The following ROCK2 variants were observed in gnomAD, a reference collection of about 807,000 sequenced individuals.
The protein encoded by ROCK2 is Rho associated coiled-coil containing protein kinase 2.
In ROCK2, 61 loss-of-function variants were observed where a neutral mutation model predicts 195.1. The ratio of observed to expected loss-of-function variants is 0.31; its 90% CI spans 0.25 to 0.39. The LOEUF is 0.39. Among genes scored for constraint, ROCK2 ranks in the 10% least tolerant of loss-of-function variants. The probability of loss-of-function intolerance (pLI) is 1.00; values close to 1 mark genes in which losing one functional copy is unlikely to be tolerated. For synonymous variants in ROCK2, 504 were observed against 545.5 expected (o/e 0.92, Z 1.06); for missense variants, 1,109 against 1,637.4 (o/e 0.68, Z 5.57).
At chr2:11,217,427 G>T (rs1441649373) in intron 11 of ROCK2, 4 of 515,068 alleles carry the variant, frequency 7.8e-6, no homozygotes, top group Non-Finnish European at 1.5e-5. Flanking sequence ...AACTTTGGCA[G>T]AATTGTTCTA....
At chr2:11,251,586 T>C (rs1466300549) in intron 3 of ROCK2, among the ~76,000 whole-genome samples, 1 of 152,054 alleles carries the variant, frequency 6.6e-6, no homozygotes, top group Non-Finnish European at 1.5e-5. Flanking sequence ...GGCAATACCA[T>C]TCAGGACACA....
intron 1 of ROCK2, among the ~76,000 whole-genome samples, chr2:11,297,626 T>C (rs1294092799): frequency 6.6e-6 from 1 of 152,144 alleles, no homozygotes; most frequent in Admixed American, 6.5e-5. Context: ...ACTAACTTTT[T>C]TTTCCCATCC....
chr2:11,310,581 T>A (rs191528376), intron 1 of ROCK2, among the ~76,000 whole-genome samples: 132 of 152,336 alleles, frequency 8.7e-4, no homozygotes, highest in African/African-American at 3.0e-3. Flanking sequence ...CACAAAATAT[T>A]CTATTTTTTG....
chr2:11,296,474 T>G (rs180855449), intron 1 of ROCK2, among the ~76,000 whole-genome samples: 13 of 152,280 alleles, frequency 8.5e-5, no homozygotes, highest in African/African-American at 3.1e-4. Flanking sequence ...TTTCCACCCC[T>G]AAGAACCTAA....
chr2:11,239,693 T>C (rs1327639729), intron 4 of ROCK2, among the ~76,000 whole-genome samples: 1 of 152,310 alleles, frequency 6.6e-6, no homozygotes, highest in East Asian at 1.9e-4. Context: ...CCACCCCAAC[T>C]GGGTGTTCTG....
chr2:11,219,149 T>C (rs1450167180), intron 9 of ROCK2, 123 bp from the exon 10 acceptor site: 2 of 460,142 alleles, frequency 4.3e-6, no homozygotes. Flanking sequence ...TTCAACACAT[T>C]ATTTACAAAT....
chr2:11,264,343 T>C (rs1666341349), intron 3 of ROCK2, among the ~76,000 whole-genome samples: 1 of 152,076 alleles, frequency 6.6e-6, no homozygotes, highest in South Asian at 2.1e-4. Flanking sequence ...TGGAGAAATA[T>C]TATGAAAGCA....
chr2:11,284,383 T>C (rs1044705403), intron 3 of ROCK2, among the ~76,000 whole-genome samples: 1 of 152,186 alleles, frequency 6.6e-6, no homozygotes, highest in Non-Finnish European at 1.5e-5. Context: ...CAAGCCCTAA[T>C]GTAAACTATG....
At position 11,344,283 on chromosome 2, in the gene ROCK2, C is replaced by T. The variant is rs1445203650; in HGVS notation, c.-147G>A. ...TAGCTCCGGCTTCGGGTCTCCAAGG[C>T]GGTCCCCCGCCTGGGGGCTGCTCCC... On this transcript the variant is annotated 5_prime_UTR_variant, in exon 1 of 33. Transcript: ENST00000315872. This position sits in a 1 kb window ranked among gnomAD's most constrained non-coding sequence, Gnocchi z 5.4. The T allele has an allele frequency of 8.3e-5, 105 of 1,257,814 alleles. No homozygotes were observed. The highest frequency in any genetic ancestry group is 1.0e-4 in the Non-Finnish European group (101 of 1,003,646). 77.9% of individuals were successfully genotyped at this position (1,257,814 alleles called of 1,614,324 possible). A position where few individuals can be genotyped will look rare whatever the true frequency, so the allele number is the denominator to read the frequency against.
chr2:11,288,636 C>T (rs1667270314), intron 1 of ROCK2, among the ~76,000 whole-genome samples: 1 of 148,852 alleles, frequency 6.7e-6, no homozygotes, highest in Admixed American at 6.7e-5. Flanking sequence ...ATCAGACTGA[C>T]ACCCTGCTAA....
At chr2:11,335,575 AG>A (rs973080853) in intron 1 of ROCK2, among the ~76,000 whole-genome samples, 10 of 152,228 alleles carry the variant, frequency 6.6e-5, no homozygotes, top group African/African-American at 2.2e-4. Flanking sequence ...GAAATTCAAG[AG>A]GCCCAAATAG....
chr2:11,212,590 ATAC>A (rs1409534080), intron 17 of ROCK2, among the ~76,000 whole-genome samples: 2 of 151,884 alleles, frequency 1.3e-5, no homozygotes. Flanking sequence ...CTAAGCCCCA[ATAC>A]TCCTCCTATT....
chr2:11,207,311 A>G (rs1476858731), intron 20 of ROCK2, among the ~76,000 whole-genome samples: 1 of 152,242 alleles, frequency 6.6e-6, no homozygotes, highest in Non-Finnish European at 1.5e-5. Flanking sequence ...TCAAGTAGAC[A>G]CTAGAGTACA....
At chr2:11,290,262 A>T (rs1439290337) in intron 1 of ROCK2, among the ~76,000 whole-genome samples, 2 of 152,162 alleles carry the variant, frequency 1.3e-5, no homozygotes, top group Non-Finnish European at 2.9e-5. Context: ...ATAAACTTTC[A>T]TAAGTTTTAA....
At chr2:11,308,400 A>G (rs1667930616) in intron 1 of ROCK2, 1 of 1,588,442 alleles carries the variant, frequency 6.3e-7, no homozygotes, top group Non-Finnish European at 8.6e-7. Flanking sequence ...GGTGAAGAAG[A>G]GAATTTGGAA....
At chr2:11,334,253 C>T (rs2148270959) in intron 1 of ROCK2, among the ~76,000 whole-genome samples, 1 of 152,298 alleles carries the variant, frequency 6.6e-6, no homozygotes, top group East Asian at 1.9e-4. Context: ...TGACTTGAGC[C>T]TGTAATCCCA....
chr2:11,238,232 G>GTGTGTGTGTGT (rs1408739156), intron 4 of ROCK2, among the ~76,000 whole-genome samples: 1 of 151,204 alleles, frequency 6.6e-6, no homozygotes, highest in African/African-American at 2.4e-5. Flanking sequence ...GTGTGTGTGT[G>GTGTGTGTGTGT]TGTGTGTGTC....
At chr2:11,345,350 G>A (rs188605992), upstream of ROCK2, among the ~76,000 whole-genome samples, 378 of 152,312 alleles carry the variant, frequency 2.5e-3, 2 homozygotes, top group Non-Finnish European at 3.7e-3. Flanking sequence ...CCTTTTGGGG[G>A]GCGGAAGAGG....
intron 5 of ROCK2, among the ~76,000 whole-genome samples, chr2:11,230,768 C>T (rs563100450): frequency 9.9e-5 from 15 of 151,812 alleles, no homozygotes; most frequent in African/African-American, 2.9e-4. Flanking sequence ...TATCATAAAT[C>T]GAGATAACTT....
Sources: gnomAD v4.1 joint callset for allele counts (sites outside exome capture counted in the v4.1 genomes callset) on GRCh38, gnomAD v4.1.1 for gene constraint, Gnocchi (gnomAD v3.1) non-coding constraint, MANE v1.5 for transcripts, NCBI Gene and HGNC (gene_info 2026-07-23, HGNC 2026-07-21) for gene names.